The following RBM27 variants were observed in gnomAD, a reference collection of about 807,000 sequenced individuals.
RBM27 encodes RNA binding motif protein 27, also known as RNA-binding protein 27.
RBM27 carries 22 observed loss-of-function variants against 135.3 expected under a neutral mutation model. That is an observed-to-expected ratio of 0.16 (90% confidence interval 0.12 to 0.23). RBM27 has a LOEUF of 0.23. RBM27 is among the 10% of genes least tolerant of loss of function. The pLI is 1.00. For missense variants in RBM27, 1,009 were observed against 1,281.0 expected, an observed-to-expected ratio of 0.79 and a Z score of 3.24; for synonymous variants, 481 against 442.4, an observed-to-expected ratio of 1.09 and a Z score of -1.10.
intron 8 of RBM27, among the ~76,000 whole-genome samples, chr5:146,239,465 T>G (rs1383256891): frequency 8.3e-6 from 1 of 120,796 alleles, no homozygotes; most frequent in African/African-American, 3.3e-5. Context: ...TTTTTTTTTT[T>G]CCTTTTCTTT....
intron 18 of RBM27, 44 bp downstream of exon 18, chr5:146,271,102 C>T (rs1561564096): frequency 6.7e-7 from 1 of 1,503,370 alleles, no homozygotes; most frequent in South Asian, 1.1e-5. Flanking sequence ...TTTAACGTCT[C>T]AAAAAAGTTT....
At chr5:146,240,614 C>G (rs1206752100) in intron 8 of RBM27, among the ~76,000 whole-genome samples, 1 of 152,088 alleles carries the variant, frequency 6.6e-6, no homozygotes. Flanking sequence ...GGCATGAACC[C>G]CTGTGCCCGG....
At chr5:146,267,488 G>A (rs1758665361) in intron 14 of RBM27, among the ~76,000 whole-genome samples, 161 bp from the exon 15 acceptor site, 1 of 151,960 alleles carries the variant, frequency 6.6e-6, no homozygotes, top group Admixed American at 6.6e-5. Context: ...ACAAATTTAT[G>A]CATAAAGAAC....
At position 146,286,112 on chromosome 5, in the gene RBM27, C is replaced by A; in HGVS notation, c.*82C>A. 7.5e-7 allele frequency: 1 copy of A among 1,326,526 alleles called. No homozygotes were observed. The allele number at this position is 1,326,526 out of a possible 1,614,324, so 82.2% of individuals were successfully genotyped here. A position where few individuals can be genotyped will look rare whatever the true frequency, so the allele number is the denominator to read the frequency against. ...AAATTATTTAAAAGAAGTCAATGAG[C>A]CAAAAAAAATTTTTTTATTTTTCTT... On this transcript the variant is annotated 3_prime_UTR_variant, in exon 21 of 21. Transcript: ENST00000265271.
rs1333581703 is a variant in RBM27, at chr5:146,287,238, G to T, written c.*1208G>T. 6.6e-6 allele frequency: 1 copy of T among 152,280 alleles called. No individual in the cohort carries two copies. The highest frequency in any genetic ancestry group is 1.9e-4 in the East Asian group (1 of 5,188). The allele number at this position is 152,280 out of a possible 1,614,324, so 9.4% of individuals were successfully genotyped here. On this transcript the variant is annotated 3_prime_UTR_variant, in exon 21 of 21. Coordinates refer to ENST00000265271, the MANE Select transcript of RBM27 (RefSeq NM_018989.2). ...TTTTTTCATAATTTTGTAGCTTGTTGCTATCCATGAACATACGCATCCCTC... is the reference window on the plus strand; with the variant it reads ...TTTTTTCATAATTTTGTAGCTTGTTTCTATCCATGAACATACGCATCCCTC...
chr5:146,223,476 A>G lies in RBM27; in HGVS notation c.252A>G (p.Val84=). Residue 84 remains valine, a synonymous_variant, in exon 3 of 21, where the codon GTA becomes GTG. Transcript: ENST00000265271. ...ACTACCTTCCACTTTTGGAACCAGT[A>G]AAGCCTGAGCCAAAACCACTAGTCC... is the stretch of plus-strand genomic sequence containing the variant. The part of the protein sequence containing the change: ...TKNYLPLLEP[V]KPEPKPLVQE... 6.2e-7 allele frequency: 1 copy of G among 1,610,878 alleles called. No individual in the cohort carries two copies. Among genetic ancestry groups the G allele is most frequent in the South Asian group, 1.1e-5 (1 of 90,554 alleles).
At chr5:146,240,160 A>G (rs1364504669) in intron 8 of RBM27, among the ~76,000 whole-genome samples, 1 of 151,896 alleles carries the variant, frequency 6.6e-6, no homozygotes, top group East Asian at 1.9e-4. Context: ...TGGTAATGCC[A>G]ATTATACCCT....
At position 146,203,621 on chromosome 5, in the gene RBM27, C is replaced by T; in HGVS notation, c.-145C>T. ...TCTTGGGTTAGTTCCTGTTAGGCCC[C>T]GGCCGGGGGAGTAGGTTGAAGTCTC... On this transcript the variant is annotated 5_prime_UTR_variant, in exon 1 of 21. Transcript: ENST00000265271. 7 of 715,762 alleles carry T rather than the reference C, an allele frequency of 9.8e-6. No individual in the cohort carries two copies. The highest frequency in any genetic ancestry group is 3.6e-5 in the South Asian group (2 of 56,310). The allele number at this position is 715,762 out of a possible 1,614,324, so 44.3% of individuals were successfully genotyped here.
intron 1 of RBM27, among the ~76,000 whole-genome samples, chr5:146,205,785 C>T (rs1229695930): frequency 6.6e-6 from 1 of 152,106 alleles, no homozygotes; most frequent in Non-Finnish European, 1.5e-5. Flanking sequence ...CTTTGGGGGG[C>T]CTAGGCGGGC....
At chr5:146,239,532 C>T (rs1183461915) in intron 8 of RBM27, among the ~76,000 whole-genome samples, 1 of 126,864 alleles carries the variant, frequency 7.9e-6, no homozygotes, top group Admixed American at 9.2e-5. Flanking sequence ...GGCTGGAGTA[C>T]AGTGGTGCAA....
At position 146,258,609 on chromosome 5, in the gene RBM27, A is replaced by G. The variant is rs1758224257; in HGVS notation, c.1739+16A>G. The G allele has an allele frequency of 2.6e-6, 4 of 1,548,658 alleles. No individual in the cohort carries two copies. Among genetic ancestry groups the G allele is most frequent in the South Asian group, 1.2e-5 (1 of 80,828 alleles). On this transcript the variant is annotated intron_variant, in intron 11 of 20. Transcript: ENST00000265271. Reference sequence around the variant, plus strand: ...GGCTGGGAAAGTAAGATAATTTGCTAATTAGTAGCATCTAATTGTTATTGT... The same window carrying G: ...GGCTGGGAAAGTAAGATAATTTGCTGATTAGTAGCATCTAATTGTTATTGT...
Position 146,271,625 on chromosome 5 carries a change from T to C in RBM27, c.2939T>C (p.Val980Ala). Residue 980 changes from valine (V) to alanine (A), a missense_variant, in exon 19 of 21, where the codon GTT (valine) becomes GCT (alanine). Coordinates refer to ENST00000265271, the MANE Select transcript of RBM27 (RefSeq NM_018989.2). ...VVDHRPKALTVGGFIEEEKED... is the reference protein window; with the variant it reads ...VVDHRPKALTAGGFIEEEKED... ...GACCATCGTCCCAAAGCACTAACAG[T>C]TGGAGGATTCATTGAGGAAGAAAAA... The C allele has an allele frequency of 1.9e-6, 3 of 1,613,884 alleles. No individual in the cohort carries two copies. Among genetic ancestry groups the C allele is most frequent in the Non-Finnish European group, 2.5e-6 (3 of 1,179,902 alleles).
At chr5:146,282,084 A>G (rs911412226) in intron 19 of RBM27, among the ~76,000 whole-genome samples, 16 of 128,402 alleles carry the variant, frequency 1.2e-4, no homozygotes, top group Non-Finnish European at 1.6e-5. Context: ...GCTCTTGGCA[A>G]CCTCCACCTC....
intron 8 of RBM27, among the ~76,000 whole-genome samples, chr5:146,248,941 A>G (rs750126980): frequency 2.4e-4 from 37 of 152,070 alleles, no homozygotes; most frequent in Non-Finnish European, 4.4e-4. Context: ...CTAAGATTGT[A>G]CTTCCCATTT....
At chr5:146,280,545 A>G (rs371850356) in intron 19 of RBM27, among the ~76,000 whole-genome samples, 10 of 152,258 alleles carry the variant, frequency 6.6e-5, no homozygotes, top group East Asian at 5.8e-4. Context: ...TCCAGCCTCT[A>G]TCTATCTTCT....
rs1211373102 is a variant in RBM27 at position 146,233,663 on chromosome 5, C to T, written c.1064C>T (p.Pro355Leu). Reference protein sequence around the residue: ...PGPGPGPGPGPGPGHSMRLPV... With the variant: ...PGPGPGPGPGLGPGHSMRLPV... ...CCAGGCCCAGGCCCGGGCCCAGGTC[C>T]AGGTCCTGGCCATAGTATGAGACTT... Residue 355 changes from proline (P) to leucine (L), a missense_variant, in exon 7 of 21, where the codon CCA (proline) becomes CTA (leucine). Coordinates refer to ENST00000265271, the MANE Select transcript of RBM27 (RefSeq NM_018989.2). The T allele has an allele frequency of 2.6e-6, 4 of 1,563,618 alleles. No individual in the cohort carries two copies. Among genetic ancestry groups the T allele is most frequent in the Admixed American group, 4.6e-5 (2 of 43,872 alleles).
chr5:146,237,237 C>T (rs1757204758), intron 7 of RBM27, 61 bp from the exon 8 acceptor site: 4 of 1,599,262 alleles, frequency 2.5e-6, no homozygotes, highest in Non-Finnish European at 3.4e-6. Context: ...TGCTCCTGGC[C>T]TGATACTTTT....
chr5:146,258,267 T>G (rs887978435), intron 10 of RBM27, among the ~76,000 whole-genome samples, 182 bp from the exon 11 acceptor site: 4 of 152,242 alleles, frequency 2.6e-5, no homozygotes, highest in Non-Finnish European at 4.4e-5. Context: ...CTTTGAGTTT[T>G]GAAACATGGA....
At chr5:146,276,771 T>C (rs910489278) in intron 19 of RBM27, among the ~76,000 whole-genome samples, 1 of 152,182 alleles carries the variant, frequency 6.6e-6, no homozygotes, top group African/African-American at 2.4e-5. Flanking sequence ...AAAAGTAATG[T>C]AGGCCTGGCT....
Sources: allele counts gnomAD v4.1 joint callset (sites outside exome capture counted in the v4.1 genomes callset), GRCh38; gene constraint gnomAD v4.1.1; transcripts MANE v1.5; gene names NCBI Gene and HGNC (gene_info 2026-07-23, HGNC 2026-07-21).